The following NHSL1 variants were observed in gnomAD, a reference collection of about 807,000 sequenced individuals.
NHSL1 encodes NHS like 1.
In NHSL1, 48 loss-of-function variants were observed where a neutral mutation model predicts 95.0. The observed-to-expected ratio is 0.51, with a 90% CI of 0.40 to 0.64. The LOEUF (loss-of-function observed/expected upper bound fraction) is 0.64. Among genes scored for constraint, NHSL1 ranks in the 30% least tolerant of loss-of-function variants. NHSL1 has a pLI of 0.00. For missense variants in NHSL1, 1,971 were observed against 2,077.7 expected, an observed-to-expected ratio of 0.95 and a Z score of 1.00; for synonymous variants, 783 against 833.9, an observed-to-expected ratio of 0.94 and a Z score of 1.05.
Position 138,431,640 on chromosome 6 carries a change from G to T in NHSL1, c.2705C>A (p.Ser902Tyr). The change falls in exon 6 of 8, where the codon TCC becomes TAC. Residue 902 changes from serine (S) to tyrosine (Y), a missense_variant. Ser to Tyr is a moderately radical substitution (Grantham distance 144, BLOSUM62 -2). This residue lies in a region of NHSL1 where 1,602 missense variants were observed against 1,654.5 expected (regional missense o/e 0.97). Transcript: ENST00000343505. This position sits in a 1 kb window ranked among gnomAD's most constrained non-coding sequence, Gnocchi z 4.0. ...AGAAGTACTAGAAGAAAGAGAAGTG[G>T]ACGATGAGGAAATGGATACTGAAGA... is the stretch of plus-strand genomic sequence containing the variant. ...LISSVSISSS[S>Y]TSLSSSTSTE... is the part of the protein sequence containing the mutation. 6.4e-7 allele frequency: 1 copy of T among 1,551,702 alleles called. No homozygotes were observed. The highest frequency in any genetic ancestry group is 8.7e-7 in the Non-Finnish European group (1 of 1,146,940).
At chr6:138,611,600 GC>G (rs1469910439) in intron 1 of NHSL1, among the ~76,000 whole-genome samples, 1 of 151,954 alleles carries the variant, frequency 6.6e-6, no homozygotes, top group Non-Finnish European at 1.5e-5. Context: ...CAAAAAATTA[GC>G]TGGGCGCAGT....
At chr6:138,447,615 A>G (rs1474555448) in intron 3 of NHSL1, among the ~76,000 whole-genome samples, 1 of 152,178 alleles carries the variant, frequency 6.6e-6, no homozygotes, top group Non-Finnish European at 1.5e-5. Context: ...TCTACTAAAA[A>G]TAAAAAATTT....
chr6:138,519,764 A>T (rs948855192), intron 1 of NHSL1, among the ~76,000 whole-genome samples: 16 of 152,208 alleles, frequency 1.1e-4, no homozygotes, highest in Non-Finnish European at 1.5e-5. Context: ...GAACACTTAC[A>T]TGGGCAGTAT....
chr6:138,547,630 G>A (rs547495610), upstream of NHSL1, among the ~76,000 whole-genome samples: 9 of 152,198 alleles, frequency 5.9e-5, no homozygotes, highest in South Asian at 4.1e-4. Flanking sequence ...TGATCCACCC[G>A]CCTCGGCCTC....
chr6:138,571,350 T>C (rs1458456336), intron 1 of NHSL1, among the ~76,000 whole-genome samples: 1 of 152,172 alleles, frequency 6.6e-6, no homozygotes, highest in East Asian at 1.9e-4. Context: ...GAGTTCCACG[T>C]TCTAGCCCCA....
At chr6:138,645,096 G>A (rs1242321598) in intron 1 of NHSL1, among the ~76,000 whole-genome samples, 1 of 152,134 alleles carries the variant, frequency 6.6e-6, no homozygotes, top group African/African-American at 2.4e-5. Context: ...GTGTTTCCAG[G>A]TCACATCTTA....
chr6:138,538,799 T>C (rs768268791), intron 1 of NHSL1, among the ~76,000 whole-genome samples: 19 of 152,240 alleles, frequency 1.2e-4, no homozygotes, highest in Non-Finnish European at 2.6e-4. Flanking sequence ...TTGAAAACTA[T>C]TCTGTGTATA....
At chr6:138,488,968 T>C (rs1357880174) in intron 2 of NHSL1, among the ~76,000 whole-genome samples, 1 of 152,196 alleles carries the variant, frequency 6.6e-6, no homozygotes, top group Non-Finnish European at 1.5e-5. Flanking sequence ...TCCAGCATTC[T>C]AGGGGTCTTT....
At chr6:138,552,126 T>G (rs1023606969) in intron 1 of NHSL1, among the ~76,000 whole-genome samples, 3 of 152,106 alleles carry the variant, frequency 2.0e-5, no homozygotes, top group Non-Finnish European at 4.4e-5. Flanking sequence ...CATTTAAAAA[T>G]ATACCCTCCT....
intron 1 of NHSL1, among the ~76,000 whole-genome samples, chr6:138,682,896 G>A (rs1785531501): frequency 1.3e-5 from 2 of 152,196 alleles, no homozygotes; most frequent in African/African-American, 2.4e-5. Context: ...GCTGCTGCAC[G>A]TTCCAAGATG....
At chr6:138,616,243 C>G (rs1471400893) in intron 1 of NHSL1, among the ~76,000 whole-genome samples, 1 of 152,142 alleles carries the variant, frequency 6.6e-6, no homozygotes. Context: ...CATTGCGGCA[C>G]ACCTAAATTG....
At chr6:138,611,748 A>T (rs1784516407) in intron 1 of NHSL1, among the ~76,000 whole-genome samples, 1 of 151,218 alleles carries the variant, frequency 6.6e-6, no homozygotes, top group African/African-American at 2.4e-5. Flanking sequence ...TCCAACACAA[A>T]ATAAAAATAA....
At chr6:138,462,160 T>C (rs1426058767) in intron 3 of NHSL1, among the ~76,000 whole-genome samples, 1 of 152,236 alleles carries the variant, frequency 6.6e-6, no homozygotes, top group Non-Finnish European at 1.5e-5. Flanking sequence ...TATAAAAGAA[T>C]ATCTGAGACT....
At chr6:138,669,678 A>C (rs1166256288) in intron 1 of NHSL1, among the ~76,000 whole-genome samples, 2 of 152,136 alleles carry the variant, frequency 1.3e-5, no homozygotes, top group Non-Finnish European at 2.9e-5. Flanking sequence ...AACATAGAGG[A>C]AGTAAGTAAA....
chr6:138,491,784 C>T (rs1336592986), intron 2 of NHSL1, among the ~76,000 whole-genome samples: 1 of 152,010 alleles, frequency 6.6e-6, no homozygotes, highest in African/African-American at 2.4e-5. Flanking sequence ...GAAATGTTTC[C>T]GATTTGGGTT....
In NHSL1 at chr6:138,469,332, C is replaced by T. The variant is rs145597768; in HGVS notation, c.339+3974G>A. The stretch of plus-strand genomic sequence containing the variant: ...GTTACGTAGAGGGACCTGCAGGAAG[C>T]GGTAGAGAAAACATAAGGCTTATGC... On this transcript the variant is annotated intron_variant, in intron 3 of 7. Transcript: ENST00000343505. Among the ~76,000 whole-genome samples the T allele has an allele frequency of 5.3e-3, 812 of 152,252 alleles. 4 individuals are homozygous for T. The highest frequency in any genetic ancestry group is 0.018 in the African/African-American group (737 of 41,534).
intron 1 of NHSL1, among the ~76,000 whole-genome samples, chr6:138,535,334 C>T (rs1341947851): frequency 2.6e-5 from 4 of 152,100 alleles, no homozygotes; most frequent in Admixed American, 6.5e-5. Flanking sequence ...GAGATAAAGG[C>T]GGGAGGATTG....
At chr6:138,456,364 G>A (rs1016509568) in intron 3 of NHSL1, among the ~76,000 whole-genome samples, 2 of 152,134 alleles carry the variant, frequency 1.3e-5, no homozygotes, top group African/African-American at 4.8e-5. Flanking sequence ...TTACAGGTAT[G>A]GCAGCAAGGT....
chr6:138,456,623 G>C (rs899420171), intron 3 of NHSL1, among the ~76,000 whole-genome samples: 1 of 152,310 alleles, frequency 6.6e-6, no homozygotes, highest in Non-Finnish European at 1.5e-5. Flanking sequence ...TGGGGATTCT[G>C]TGAAGGTTTC....
Sources: allele counts gnomAD v4.1 joint callset (sites outside exome capture counted in the v4.1 genomes callset), GRCh38; gene constraint gnomAD v4.1.1; regional missense constraint gnomAD v4.1.1; non-coding constraint Gnocchi (gnomAD v3.1); transcripts MANE v1.5; gene names NCBI Gene and HGNC (gene_info 2026-07-23, HGNC 2026-07-21).